Variants in MAPK10 observed in about 807,000 individuals in gnomAD.
MAPK10 encodes mitogen-activated protein kinase 10.
In MAPK10, 25 loss-of-function variants were observed where a neutral mutation model predicts 59.3. That is an observed-to-expected ratio of 0.42 (90% CI 0.31 to 0.59). The LOEUF (loss-of-function observed/expected upper bound fraction) is 0.59, where lower values mean the gene tolerates loss of function less well. MAPK10 is among the 20% of genes least tolerant of loss of function. The probability of loss-of-function intolerance (pLI) is 0.15; values close to 1 mark genes in which losing one functional copy is unlikely to be tolerated. For missense variants in MAPK10, 351 were observed against 568.9 expected, an observed-to-expected ratio of 0.62 and a Z score of 3.90; for synonymous variants, 190 against 200.5, an observed-to-expected ratio of 0.95 and a Z score of 0.44.
chr4:86,091,279 C>A (rs2053082383), intron 9 of MAPK10: 1 of 151,306 alleles, frequency 6.6e-6, no homozygotes, highest in African/African-American at 2.4e-5. Context: ...ATATTTACAT[C>A]TATAATAAAG....
At chr4:86,050,566 G>A (rs1484099474) in intron 11 of MAPK10, among the ~76,000 whole-genome samples, 2 of 151,904 alleles carry the variant, frequency 1.3e-5, no homozygotes, top group African/African-American at 4.8e-5. Flanking sequence ...CCTTTGCTTT[G>A]GGAAAGCTAG....
chr4:86,218,880 TA>T (rs1416349714), intron 2 of MAPK10, among the ~76,000 whole-genome samples: 6 of 152,122 alleles, frequency 3.9e-5, no homozygotes, highest in Non-Finnish European at 7.4e-5. Flanking sequence ...AAATGATTTG[TA>T]AAAATAATTA....
At chr4:86,249,902 T>TG (rs2093327300) in intron 2 of MAPK10, among the ~76,000 whole-genome samples, 1 of 152,160 alleles carries the variant, frequency 6.6e-6, no homozygotes, top group African/African-American at 2.4e-5. Flanking sequence ...TTTCTGACTA[T>TG]GGAGTCTGCA....
intron 3 of MAPK10, among the ~76,000 whole-genome samples, chr4:86,190,120 T>C (rs1453222178): frequency 6.6e-6 from 1 of 152,114 alleles, no homozygotes; most frequent in Non-Finnish European, 1.5e-5. Context: ...GTAGATAAGC[T>C]TTTTGATGTG....
intron 1 of MAPK10, among the ~76,000 whole-genome samples, chr4:86,450,757 T>C (rs1307499486): frequency 1.2e-4 from 19 of 152,254 alleles, no homozygotes; most frequent in Admixed American, 1.2e-3. Flanking sequence ...TGACATTTAA[T>C]GTCTCAGTCA....
rs571138055 is a variant in MAPK10, at chr4:86,088,275, G to A, written c.802+10249C>T. The stretch of plus-strand genomic sequence containing the variant: ...CTGCTCACTGCAGCTTTGACACTGG[G>A]GGCTCAAGCTATCCTCCCAGCTAGT... On this transcript the variant is annotated intron_variant, in intron 9 of 13. Transcript: ENST00000641462. Among the ~76,000 whole-genome samples, 12 of 152,226 alleles carry A rather than the reference G, an allele frequency of 7.9e-5. No individual in the cohort carries two copies. The East Asian group carries it at 1.5e-3, about 20-fold the overall frequency.
intron 4 of MAPK10, among the ~76,000 whole-genome samples, chr4:86,122,189 G>GTCAT (rs1282896401): frequency 1.3e-5 from 2 of 152,138 alleles, no homozygotes; most frequent in Admixed American, 6.6e-5. Flanking sequence ...TTTGCAGAGA[G>GTCAT]GAATGAGCAG....
intron 13 of MAPK10, among the ~76,000 whole-genome samples, chr4:86,023,002 A>C (rs1233146450): frequency 1.3e-5 from 2 of 152,206 alleles, no homozygotes; most frequent in Admixed American, 1.3e-4. Context: ...GTCATATCTA[A>C]TAAACCATTT....
rs151236432 is a variant in MAPK10, at chr4:86,378,333, G to C, written c.-121-23689C>G. Among the ~76,000 whole-genome samples the C allele has an allele frequency of 5.4e-3, 828 of 152,166 alleles. 13 individuals carry two copies. The highest frequency in any genetic ancestry group is 0.019 in the African/African-American group (776 of 41,496). Reference sequence around the variant, plus strand: ...TTTGCACTTGCTGATCCTCCTGTCTGCAACTCTCTTCCTTAACGTGTGCAT... The same window carrying C: ...TTTGCACTTGCTGATCCTCCTGTCTCCAACTCTCTTCCTTAACGTGTGCAT... On this transcript the variant is annotated intron_variant, in intron 1 of 13. Transcript: ENST00000361569.
At chr4:86,190,556 A>T (rs1164009773) in intron 3 of MAPK10, among the ~76,000 whole-genome samples, 2 of 152,074 alleles carry the variant, frequency 1.3e-5, no homozygotes, top group Non-Finnish European at 2.9e-5. Flanking sequence ...GTATTCTCTG[A>T]CGGTAGTCTG....
intron 2 of MAPK10, among the ~76,000 whole-genome samples, chr4:86,228,210 G>T (rs934580993): frequency 1.3e-5 from 2 of 152,186 alleles, no homozygotes; most frequent in South Asian, 4.1e-4. Context: ...TGATGTGTAA[G>T]AGAGTTTGAT....
chr4:86,084,317 ACT>A (rs1420719268), intron 9 of MAPK10, among the ~76,000 whole-genome samples: 5 of 152,150 alleles, frequency 3.3e-5, no homozygotes, highest in Admixed American at 3.3e-4. Context: ...AAGTCAAGTA[ACT>A]CTTGTTTGCA....
intron 4 of MAPK10, among the ~76,000 whole-genome samples, chr4:86,114,589 T>C (rs1713528412): frequency 6.6e-6 from 1 of 152,232 alleles, no homozygotes; most frequent in Non-Finnish European, 1.5e-5. Context: ...GGCACTGAGC[T>C]GATGCTGGCC....
chr4:86,051,858 C>T (rs1327470145), intron 11 of MAPK10, among the ~76,000 whole-genome samples: 1 of 151,912 alleles, frequency 6.6e-6, no homozygotes, highest in Non-Finnish European at 1.5e-5. Flanking sequence ...AAGAAACAAA[C>T]AAAAATCTTT....
intron 1 of MAPK10, among the ~76,000 whole-genome samples, chr4:86,555,157 G>A (rs929859160): frequency 2.6e-5 from 4 of 152,166 alleles, no homozygotes. Context: ...TTCCTTAAAA[G>A]TAGGGATCTG....
At chr4:86,403,274 A>G (rs186856438) in intron 1 of MAPK10, among the ~76,000 whole-genome samples, 8 of 152,170 alleles carry the variant, frequency 5.3e-5, no homozygotes, top group Non-Finnish European at 1.0e-4. Flanking sequence ...TAGCACTTTG[A>G]GAAGTCAAGG....
intron 1 of MAPK10, among the ~76,000 whole-genome samples, chr4:86,576,383 G>A (rs1337499862): frequency 3.3e-5 from 5 of 152,280 alleles, no homozygotes; most frequent in Middle Eastern, 3.4e-3. Flanking sequence ...CTAAACCGGG[G>A]TGGGGGTGTG....
At chr4:86,477,254 T>C (rs1029866914) in intron 1 of MAPK10, among the ~76,000 whole-genome samples, 2 of 152,272 alleles carry the variant, frequency 1.3e-5, no homozygotes, top group African/African-American at 4.8e-5. Flanking sequence ...GGCTTCTAAA[T>C]CTCTTAAAAC....
At chr4:86,042,584 T>C (rs1433179742) in intron 11 of MAPK10, among the ~76,000 whole-genome samples, 1 of 152,142 alleles carries the variant, frequency 6.6e-6, no homozygotes, top group Non-Finnish European at 1.5e-5. Context: ...AGTAAAAGTA[T>C]AGTTTTTTAA....
Sources: allele counts gnomAD v4.1 joint callset (sites outside exome capture counted in the v4.1 genomes callset), GRCh38; gene constraint gnomAD v4.1.1; transcripts MANE v1.5; gene names NCBI Gene and HGNC (gene_info 2026-07-23, HGNC 2026-07-21).